The following NTM variants were observed in gnomAD, a reference collection of about 807,000 sequenced individuals.
NTM encodes the protein IgLON family member 2.
A neutral mutation model predicts 42.1 loss-of-function variants in NTM; 13 were observed. The ratio of observed to expected loss-of-function variants is 0.31; its 90% CI spans 0.20 to 0.49. The LOEUF (loss-of-function observed/expected upper bound fraction) is 0.49, where lower values mean the gene tolerates loss of function less well. Ranked by LOEUF, NTM falls within the 20% of genes least tolerant of loss-of-function variation. The pLI, the probability that NTM is intolerant of heterozygous loss-of-function variation, is 0.99. For missense variants in NTM, 373 were observed against 452.8 expected (o/e 0.82, Z 1.60); for synonymous variants, 187 against 179.2 (o/e 1.04, Z -0.35).
At chr11:132,180,606 C>T (rs1015592254) in intron 3 of NTM, among the ~76,000 whole-genome samples, 2 of 151,994 alleles carry the variant, frequency 1.3e-5, no homozygotes, top group Non-Finnish European at 2.9e-5. Flanking sequence ...ACCAACCGAA[C>T]AAAAAAACAA....
intron 1 of NTM, among the ~76,000 whole-genome samples, chr11:131,395,735 T>C (rs375976578): frequency 3.0e-4 from 46 of 152,360 alleles, no homozygotes; most frequent in African/African-American, 1.1e-3. Context: ...GGTGTCTCCA[T>C]GCTGCCTGCC....
chr11:131,781,902 C>T (rs915452165), intron 1 of NTM, among the ~76,000 whole-genome samples: 3 of 152,156 alleles, frequency 2.0e-5, no homozygotes, highest in South Asian at 4.1e-4. Context: ...TAAAGGACTA[C>T]AAAAATTGAC....
intron 1 of NTM, among the ~76,000 whole-genome samples, chr11:131,589,479 G>A (rs2059172790): frequency 6.6e-6 from 1 of 152,132 alleles, no homozygotes; most frequent in East Asian, 1.9e-4. Context: ...GCAGTCCAGG[G>A]CTTCCCACAG....
intron 1 of NTM, among the ~76,000 whole-genome samples, chr11:131,861,921 C>A (rs760871583): frequency 3.9e-5 from 6 of 152,120 alleles, no homozygotes; most frequent in Non-Finnish European, 7.4e-5. Context: ...TGGGTCTGGT[C>A]AGCTCTTCAC....
chr11:131,654,441 T>G (rs1300131065), intron 1 of NTM, among the ~76,000 whole-genome samples: 1 of 152,012 alleles, frequency 6.6e-6, no homozygotes, highest in Non-Finnish European at 1.5e-5. Flanking sequence ...CCGACAGGTT[T>G]TTTTTTTCCG....
intron 2 of NTM, among the ~76,000 whole-genome samples, chr11:131,993,237 A>G (rs940980003): frequency 1.8e-4 from 27 of 152,284 alleles, no homozygotes; most frequent in Admixed American, 5.2e-4. Flanking sequence ...TTGGGAGTGC[A>G]TTGCAGTCAT....
chr11:131,636,606 G>C (rs1329758306), intron 1 of NTM, among the ~76,000 whole-genome samples: 1 of 152,184 alleles, frequency 6.6e-6, no homozygotes, highest in Non-Finnish European at 1.5e-5. Flanking sequence ...ACGTGTGCTT[G>C]CAGTCGCCCC....
At chr11:131,594,758 G>A (rs374531973) in intron 1 of NTM, among the ~76,000 whole-genome samples, 2 of 152,132 alleles carry the variant, frequency 1.3e-5, no homozygotes, top group African/African-American at 2.4e-5. Context: ...GCAACATCTT[G>A]CAGGGAGGTA....
At chr11:132,149,908 T>C (rs2071471995) in intron 3 of NTM, among the ~76,000 whole-genome samples, 1 of 152,172 alleles carries the variant, frequency 6.6e-6, no homozygotes, top group Non-Finnish European at 1.5e-5. Context: ...AATTTACTTC[T>C]TCAGTCACAC....
Position 131,756,399 on chromosome 11 carries a change from C to T in NTM, c.83-155165C>T, listed in dbSNP as rs573000300. Among the ~76,000 whole-genome samples the T allele has an allele frequency of 1.3e-4, 20 of 152,006 alleles. No homozygotes were observed. In the East Asian group the frequency reaches 2.9e-3, roughly 22 times the overall value. The stretch of plus-strand genomic sequence containing the variant: ...GGGAGTTCAAGACCAGCCTGGGCAA[C>T]ATAGAAAGACCTTGTCTGGGAGGCT... On this transcript the variant is annotated intron_variant, in intron 1 of 8. Transcript: ENST00000683400.
intron 1 of NTM, among the ~76,000 whole-genome samples, chr11:131,630,087 T>C (rs1293056419): frequency 6.6e-6 from 1 of 152,100 alleles, no homozygotes; most frequent in African/African-American, 2.4e-5. Flanking sequence ...AGGAAAATTA[T>C]TGGAAGCTCC....
At chr11:131,830,264 G>A (rs1360176489) in intron 1 of NTM, among the ~76,000 whole-genome samples, 2 of 152,030 alleles carry the variant, frequency 1.3e-5, no homozygotes, top group Admixed American at 6.5e-5. Flanking sequence ...CCAGAATAGT[G>A]TTTCCTGGGT....
At chr11:132,326,931 G>A (rs2095695457) in intron 7 of NTM, among the ~76,000 whole-genome samples, 1 of 152,196 alleles carries the variant, frequency 6.6e-6, no homozygotes, top group African/African-American at 2.4e-5. Context: ...CACTGACAGA[G>A]TACACTTGGC....
At chr11:131,982,894 T>C (rs529233805) in intron 2 of NTM, among the ~76,000 whole-genome samples, 1 of 152,152 alleles carries the variant, frequency 6.6e-6, no homozygotes, top group African/African-American at 2.4e-5. Flanking sequence ...AGAAAAACTT[T>C]CAGGATCAAA....
chr11:132,054,423 G>A (rs1427343859), intron 2 of NTM, among the ~76,000 whole-genome samples: 1 of 152,194 alleles, frequency 6.6e-6, no homozygotes, highest in Non-Finnish European at 1.5e-5. Flanking sequence ...CTTACTACTG[G>A]ATGGGCACAG....
chr11:132,257,637 C>T (rs992198931), intron 4 of NTM, among the ~76,000 whole-genome samples: 1 of 152,206 alleles, frequency 6.6e-6, no homozygotes, highest in Admixed American at 6.5e-5. Context: ...TGGGATAACT[C>T]TTCTTCACAC....
chr11:131,565,137 C>T (rs1453249098), intron 1 of NTM, among the ~76,000 whole-genome samples: 2 of 152,142 alleles, frequency 1.3e-5, no homozygotes, highest in Non-Finnish European at 1.5e-5. Flanking sequence ...GTGGTCTGCT[C>T]ACCCCAACAC....
intron 1 of NTM, among the ~76,000 whole-genome samples, chr11:131,546,357 C>T (rs969686368): frequency 2.6e-5 from 4 of 152,194 alleles, no homozygotes; most frequent in Admixed American, 6.5e-5. Flanking sequence ...AAGGTTCCCA[C>T]GGCCCCGTTA....
chr11:131,560,994 G>C (rs138240044), intron 1 of NTM, among the ~76,000 whole-genome samples: 1 of 152,184 alleles, frequency 6.6e-6, no homozygotes. Flanking sequence ...TCCGGGTGGC[G>C]TGCAAGATCA....
Sources: gnomAD v4.1 joint callset for allele counts (sites outside exome capture counted in the v4.1 genomes callset) on GRCh38, gnomAD v4.1.1 for gene constraint, MANE v1.5 for transcripts, NCBI Gene and HGNC (gene_info 2026-07-23, HGNC 2026-07-21) for gene names.